CAMTA1: variants seen among roughly 807,000 people sequenced by gnomAD.
CAMTA1 encodes the protein calmodulin binding transcription activator 1.
Under a neutral mutation model 170.9 loss-of-function variants are expected in CAMTA1, and 27 were observed. The observed-to-expected ratio is 0.16, with a 90% confidence interval of 0.12 to 0.22. The LOEUF (loss-of-function observed/expected upper bound fraction) is 0.22. CAMTA1 is among the 10% of genes least tolerant of loss of function. CAMTA1 has a pLI of 1.00. For missense variants in CAMTA1, 1,619 were observed against 2,217.2 expected (o/e 0.73, Z 5.42); for synonymous variants, 833 against 891.5 (o/e 0.93, Z 1.17).
At chr1:6,908,721 T>C (rs1349046214) in intron 3 of CAMTA1, among the ~76,000 whole-genome samples, 1 of 152,242 alleles carries the variant, frequency 6.6e-6, no homozygotes, top group African/African-American at 2.4e-5. Flanking sequence ...TCTGGGGTTA[T>C]GGCATTGTGA....
At position 7,665,010 on chromosome 1, in the gene CAMTA1, C is replaced by T. The variant is rs1229847241; in HGVS notation, c.2463C>T (p.Leu821=). 3 of 1,599,568 alleles carry T rather than the reference C, an allele frequency of 1.9e-6. No individual in the cohort carries two copies. Among genetic ancestry groups the T allele is most frequent in the Non-Finnish European group, 2.6e-6 (3 of 1,172,462 alleles). The change falls in exon 9 of 23, where the codon CTC becomes CTT. Residue 821 remains leucine (L), a synonymous_variant. Transcript: ENST00000303635. The surrounding 1 kb of genome is among the most constrained non-coding windows in gnomAD (Gnocchi z 4.3). ...CCTTCACCCAGGCAGAGATGTGCCT[C>T]CCCTGCTGTAGCCCCCAGCAGGGTA... ...RAPFTQAEMC[L]PCCSPQQGSL... is the part of the protein sequence containing the mutation.
At chr1:7,405,725 C>T (rs2090236826) in intron 5 of CAMTA1, among the ~76,000 whole-genome samples, 1 of 143,858 alleles carries the variant, frequency 7.0e-6, no homozygotes. Context: ...GCCTCAGTTT[C>T]CTGATCTGTA....
At chr1:7,596,185 G>A (rs926877318) in intron 6 of CAMTA1, among the ~76,000 whole-genome samples, 5 of 152,208 alleles carry the variant, frequency 3.3e-5, no homozygotes, top group Admixed American at 1.3e-4. Flanking sequence ...GTGCAAGTGG[G>A]GCATCAGTGC....
intron 7 of CAMTA1, among the ~76,000 whole-genome samples, chr1:7,650,236 G>C (rs1576599174): frequency 6.6e-6 from 1 of 152,212 alleles, no homozygotes; most frequent in South Asian, 2.1e-4. Context: ...AGAATTCCCA[G>C]CCTGGTAACA....
chr1:6,933,495 A>G (rs1344538773), intron 3 of CAMTA1, among the ~76,000 whole-genome samples: 1 of 152,054 alleles, frequency 6.6e-6, no homozygotes, highest in Non-Finnish European at 1.5e-5. Flanking sequence ...CCTGATCTCA[A>G]GTGATCTGCC....
chr1:6,797,366 G>A (rs1642775968), intron 1 of CAMTA1, among the ~76,000 whole-genome samples: 1 of 150,178 alleles, frequency 6.7e-6, no homozygotes, highest in Non-Finnish European at 1.5e-5. Context: ...CGGCTGAGAT[G>A]ACTTTTTATT....
At chr1:7,128,871 T>C (rs1645086949) in intron 4 of CAMTA1, among the ~76,000 whole-genome samples, 1 of 137,212 alleles carries the variant, frequency 7.3e-6, no homozygotes, top group South Asian at 2.7e-4. Flanking sequence ...GACAAGGTCT[T>C]GCTCTGTTGG....
At chr1:7,655,574 C>T (rs1412041289) in intron 7 of CAMTA1, among the ~76,000 whole-genome samples, 2 of 137,280 alleles carry the variant, frequency 1.5e-5, no homozygotes, top group East Asian at 4.6e-4. Flanking sequence ...ACACACCCAC[C>T]TACACACACA....
chr1:7,411,535 A>T (rs2090756248), intron 5 of CAMTA1, among the ~76,000 whole-genome samples: 1 of 14,326 alleles, frequency 7.0e-5, no homozygotes, highest in African/African-American at 3.5e-4. Context: ...GCCTCAAAAA[A>T]AAAAAAAAAA....
chr1:7,602,215 G>T (rs1242387953), intron 6 of CAMTA1, among the ~76,000 whole-genome samples: 2 of 137,536 alleles, frequency 1.5e-5, no homozygotes, highest in African/African-American at 5.3e-5. Flanking sequence ...GATTGGAGTA[G>T]TTTCAGAAGG....
Position 7,333,327 on chromosome 1 carries a change from G to A in CAMTA1, c.438+83701G>A, listed in dbSNP as rs769189590. Among the ~76,000 whole-genome samples the A allele has an allele frequency of 2.6e-5, 4 of 152,150 alleles. No individual in the cohort carries two copies. Among genetic ancestry groups the A allele is most frequent in the East Asian group, 1.9e-4 (1 of 5,184 alleles). On this transcript the variant is annotated intron_variant, in intron 5 of 22. Transcript: ENST00000303635. This position sits in a 1 kb window ranked among gnomAD's most constrained non-coding sequence, Gnocchi z 4.4. ...GTTGAACCTAGTTGTCATTCCTGCC[G>A]GTGAGGGAGAGACCCGCAGGGGAGT...
intron 5 of CAMTA1, among the ~76,000 whole-genome samples, chr1:7,459,132 G>A (rs1463976930): frequency 1.3e-5 from 2 of 152,206 alleles, no homozygotes; most frequent in Non-Finnish European, 2.9e-5. Flanking sequence ...GCGAGGACCA[G>A]GGGGTGGCCT....
At chr1:7,431,554 T>C (rs1340199282) in intron 5 of CAMTA1, among the ~76,000 whole-genome samples, 1 of 151,996 alleles carries the variant, frequency 6.6e-6, no homozygotes, top group Non-Finnish European at 1.5e-5. Context: ...ACTTGGCAGA[T>C]CGAAGAAGGC....
At chr1:7,160,029 C>G (rs558578439) in intron 4 of CAMTA1, among the ~76,000 whole-genome samples, 2 of 152,134 alleles carry the variant, frequency 1.3e-5, no homozygotes, top group African/African-American at 4.8e-5. Flanking sequence ...GTAGGCAGAT[C>G]ACTTGAGGCC....
Position 7,093,690 on chromosome 1 carries a change from C to T in CAMTA1, c.302+2319C>T, listed in dbSNP as rs139343961. 3.5e-3 allele frequency among the ~76,000 whole-genome samples: 528 copies of T among 152,192 alleles called. 3 individuals are homozygous for T. The highest frequency in any genetic ancestry group is 0.012 in the African/African-American group (507 of 41,542). On this transcript the variant is annotated intron_variant, in intron 4 of 22. Transcript: ENST00000303635. This position sits in a 1 kb window ranked among gnomAD's most constrained non-coding sequence, Gnocchi z 4.6. The stretch of plus-strand genomic sequence containing the variant: ...ATGTCACTCAGGGTCATGCCTGACT[C>T]GCATGACTTTCTGGAATATACATAG...
At chr1:6,879,042 G>A (rs944741308) in intron 3 of CAMTA1, among the ~76,000 whole-genome samples, 6 of 152,154 alleles carry the variant, frequency 3.9e-5, no homozygotes, top group Admixed American at 2.6e-4. Flanking sequence ...CTACTTTGCT[G>A]AACAGTGAAT....
intron 1 of CAMTA1, among the ~76,000 whole-genome samples, chr1:6,791,525 A>G (rs1641093531): frequency 6.6e-6 from 1 of 152,188 alleles, no homozygotes; most frequent in South Asian, 2.1e-4. Flanking sequence ...TTGGCTTGAT[A>G]CAATAAATTT....
At chr1:7,612,484 G>A (rs1216353654) in intron 6 of CAMTA1, among the ~76,000 whole-genome samples, 3 of 152,188 alleles carry the variant, frequency 2.0e-5, no homozygotes, top group African/African-American at 7.2e-5. Context: ...GGATAGGAGG[G>A]CACGGTGGGC....
chr1:6,955,283 A>G (rs1429740589), intron 3 of CAMTA1, among the ~76,000 whole-genome samples: 2 of 152,036 alleles, frequency 1.3e-5, no homozygotes, highest in East Asian at 1.9e-4. Context: ...GCACCCTGCT[A>G]TACTCTCACC....
Sources: allele counts gnomAD v4.1 joint callset (sites outside exome capture counted in the v4.1 genomes callset), GRCh38; gene constraint gnomAD v4.1.1; non-coding constraint Gnocchi (gnomAD v3.1); transcripts MANE v1.5; gene names NCBI Gene and HGNC (gene_info 2026-07-23, HGNC 2026-07-21).